The following GYG2 variants were observed in gnomAD, a reference collection of about 807,000 sequenced individuals.
The protein encoded by GYG2 is glycogenin 2, also known as glycogenin-2.
A neutral mutation model predicts 29.4 loss-of-function variants in GYG2; 29 were observed. That is an observed-to-expected ratio of 0.99 (90% CI 0.74 to 1.35). The LOEUF is 1.35. Ranked by LOEUF, GYG2 falls within the 40% of genes most tolerant of loss-of-function variation. The pLI is 0.00. For synonymous variants in GYG2, 167 were observed against 172.3 expected (o/e 0.97, Z 0.24); for missense variants, 370 against 385.7 (o/e 0.96, Z 0.34).
chrX:2,862,007 C>G (rs777386605), intron 8 of GYG2, among the ~76,000 whole-genome samples: 3 of 111,786 alleles, frequency 2.7e-5, no homozygotes, highest in Non-Finnish European at 3.8e-5. Flanking sequence ...GGACCCTGAG[C>G]TGGGGAGGTA....
chrX:2,871,495 C>A (rs1309042000), intron 8 of GYG2, among the ~76,000 whole-genome samples: 1 of 110,203 alleles, frequency 9.1e-6, no homozygotes, highest in Non-Finnish European at 1.9e-5. Flanking sequence ...TTGAGACCAG[C>A]CTGGCCAACA....
chrX:2,877,076 C>A, intron 9 of GYG2, 124 bp from the exon 10 acceptor site: 1 of 958,959 alleles, frequency 1.0e-6, no homozygotes, highest in Non-Finnish European at 1.4e-6. Context: ...AGCCACCGCG[C>A]CTGGCCTCAA....
At chrX:2,863,631 T>C (rs533747283) in intron 8 of GYG2, among the ~76,000 whole-genome samples, 1 of 112,490 alleles carries the variant, frequency 8.9e-6, no homozygotes, top group South Asian at 3.6e-4. Context: ...ACTTTATGCA[T>C]GAAGAATGTC....
At chrX:2,876,764 C>T (rs965083255) in intron 9 of GYG2, among the ~76,000 whole-genome samples, 6 of 108,380 alleles carry the variant, frequency 5.5e-5, no homozygotes, top group African/African-American at 1.7e-4. Flanking sequence ...CTGGCTAACA[C>T]GGTGAAACCC....
intron 2 of GYG2, among the ~76,000 whole-genome samples, chrX:2,831,890 T>A (rs1357842848): frequency 8.9e-6 from 1 of 112,227 alleles, no homozygotes; most frequent in African/African-American, 3.2e-5. Flanking sequence ...CTGGACTTGA[T>A]TTTGTGACAA....
chrX:2,859,907 A>T lies in GYG2; in HGVS notation c.679A>T (p.Asn227Tyr), dbSNP rs748405204. The stretch of plus-strand genomic sequence containing the variant: ...CATGAAACCTTGGAACTACAAGTAC[A>T]ATCCACAGAGTGGCTCGGTGTTGGA... ...GSMKPWNYKY[N>Y]PQSGSVLEQG... Residue 227 changes from asparagine to tyrosine, a missense_variant, in exon 7 of 11, where the codon AAT (asparagine) becomes TAT (tyrosine). Physicochemically the swap from Asn to Tyr is moderately radical, Grantham distance 143. Transcript: ENST00000398806. 1.0e-5 allele frequency: 12 copies of T among 1,203,899 alleles called. No individual in the cohort carries two copies. The Admixed American group carries it at 1.5e-4, about 15-fold the overall frequency.
intron 3 of GYG2, chrX:2,853,775 GC>G: frequency 2.6e-6 from 1 of 384,423 alleles, no homozygotes; most frequent in Non-Finnish European, 4.5e-6. Flanking sequence ...GCATGCAGAG[GC>G]TTTTGGGCAC....
Position 2,881,151 on chromosome X carries a change from G to T in GYG2, c.1351G>T (p.Asp451Tyr). ...GAGGAAGTGGGAGGAAGGCCGTATCGACTACATGGGGAAGGACGCGTTTGC... is the reference window on the plus strand; with the variant it reads ...GAGGAAGTGGGAGGAAGGCCGTATCTACTACATGGGGAAGGACGCGTTTGC... The part of the protein sequence containing the change: ...ERRKWEEGRI[D>Y]YMGKDAFARI... The change falls in exon 11 of 11, where the codon GAC (aspartate) becomes TAC (tyrosine). Residue 451 changes from aspartate (D) to tyrosine (Y), a missense_variant. Physicochemically the swap from Asp to Tyr is radical, Grantham distance 160 (BLOSUM62 -3). Coordinates refer to ENST00000398806, the MANE Select transcript of GYG2 (RefSeq NM_001079855.2). 10 of 1,206,566 alleles carry T rather than the reference G, an allele frequency of 8.3e-6. No individual in the cohort carries two copies. Among genetic ancestry groups the T allele is most frequent in the Non-Finnish European group, 1.1e-5 (10 of 892,785 alleles).
chrX:2,869,271 C>T (rs2088392353), intron 8 of GYG2, among the ~76,000 whole-genome samples: 1 of 112,301 alleles, frequency 8.9e-6, no homozygotes, highest in African/African-American at 3.2e-5. Context: ...GATTTAAAGT[C>T]TATGGGAGGA....
Position 2,880,415 on chromosome X carries a change from AGTGTGT to A in GYG2, c.1252-617_1252-612del, listed in dbSNP as rs34658826. ...TTTTGGTGGGTGAGAGTATTAAATT[AGTGTGT>A]GTGTGTGTGTGTGTGTGTGCACATG... On this transcript the variant is annotated intron_variant, in intron 10 of 10. Transcript: ENST00000398806. 4.4e-3 allele frequency among the ~76,000 whole-genome samples: 450 copies of A among 101,124 alleles called. 2 individuals carry two copies. The highest frequency in any genetic ancestry group is 0.015 in the African/African-American group (421 of 27,712). 87.8% of individuals were successfully genotyped at this position (101,124 alleles called of 115,157 possible). A position where few individuals can be genotyped will look rare whatever the true frequency, so the allele number is the denominator to read the frequency against.
chrX:2,831,992 C>G (rs1490010406), intron 2 of GYG2, among the ~76,000 whole-genome samples: 1 of 112,500 alleles, frequency 8.9e-6, no homozygotes, highest in Non-Finnish European at 1.9e-5. Flanking sequence ...CGCAGTGGCA[C>G]TTGGAGTGGA....
chrX:2,839,148 G>A (rs2087443029), intron 2 of GYG2, among the ~76,000 whole-genome samples: 1 of 112,348 alleles, frequency 8.9e-6, no homozygotes, highest in South Asian at 3.6e-4. Context: ...CCACTTCTGT[G>A]TGATGGTAAT....
At chrX:2,843,032 C>T (rs765257386) in intron 2 of GYG2, 181 bp from the exon 3 acceptor site, 2 of 504,902 alleles carry the variant, frequency 4.0e-6, no homozygotes, top group East Asian at 3.7e-5. Context: ...AGGCTGGTCT[C>T]GAACTCCTGA....
chrX:2,876,474 T>A (rs1430792672), intron 9 of GYG2, among the ~76,000 whole-genome samples: 11 of 111,224 alleles, frequency 9.9e-5, no homozygotes, highest in Admixed American at 9.6e-5. Context: ...AGGCATTTGG[T>A]ATAAACAAGT....
At chrX:2,844,099 T>C (rs1265038504) in intron 3 of GYG2, among the ~76,000 whole-genome samples, 1 of 112,581 alleles carries the variant, frequency 8.9e-6, no homozygotes, top group Non-Finnish European at 1.9e-5. Flanking sequence ...TCATCAACCA[T>C]GGACCACTTA....
At chrX:2,857,003 CTATCTATCCATATCTATCTATTT>C (rs2088023575) in intron 6 of GYG2, among the ~76,000 whole-genome samples, 2 of 99,844 alleles carry the variant, frequency 2.0e-5, no homozygotes, top group Non-Finnish European at 4.2e-5. Flanking sequence ...ATCTATCTAT[CTATCTATCCATATCTATCTATTT>C]AGATCTGGAT....
In GYG2 at chrX:2,881,286, T is replaced by C. The variant is rs999179734; in HGVS notation, c.*73T>C. 27 of 870,502 alleles carry C rather than the reference T, an allele frequency of 3.1e-5. No individual in the cohort carries two copies. The highest frequency in any genetic ancestry group is 3.9e-5 in the Non-Finnish European group (25 of 635,106). The allele number at this position is 870,502 out of a possible 1,213,427, so 71.7% of individuals were successfully genotyped here. A position where few individuals can be genotyped will look rare whatever the true frequency, so the allele number is the denominator to read the frequency against. ...GTGGTCCTGTTGCGTGGAGATCTCC[T>C]CTGGTCCTTTCAAAGGGAAACGCTG... is the stretch of plus-strand genomic sequence containing the variant. On this transcript the variant is annotated 3_prime_UTR_variant, in exon 11 of 11. Coordinates refer to ENST00000398806, the MANE Select transcript of GYG2 (RefSeq NM_001079855.2).
chrX:2,881,126 GA>G lies in GYG2; in HGVS notation c.1327del (p.Arg443GlyfsTer38). On this transcript the variant is annotated frameshift_variant, in exon 11 of 11. Coordinates refer to ENST00000398806, the MANE Select transcript of GYG2 (RefSeq NM_001079855.2). LOFTEE classifies it high-confidence loss of function. Reference protein sequence around the residue: ...VKELSPEEERRKWEEGRIDYM... With the variant: ...VKELSPEEERXKWEEGRIDYM... ...AGGAATTGAGCCCCGAGGAAGAGAG[GA>G]GGAAGTGGGAGGAAGGCCGTATCGA... 8.3e-7 allele frequency: 1 copy of G among 1,204,728 alleles called. No individual in the cohort carries two copies. Among genetic ancestry groups the G allele is most frequent in the African/African-American group, 1.7e-5 (1 of 57,588 alleles).
chrX:2,877,429 A>AT (rs1460806235), intron 10 of GYG2, 122 bp downstream of exon 10: 5 of 1,094,422 alleles, frequency 4.6e-6, no homozygotes, highest in Non-Finnish European at 6.0e-6. Flanking sequence ...AAAAATAAGA[A>AT]TCGGCTTCCC....
Sources: gnomAD v4.1 joint callset for allele counts (sites outside exome capture counted in the v4.1 genomes callset) on GRCh38, gnomAD v4.1.1 for gene constraint, MANE v1.5 for transcripts, NCBI Gene and HGNC (gene_info 2026-07-23, HGNC 2026-07-21) for gene names.